Variants in FMN2 observed in about 807,000 individuals in gnomAD.
FMN2 encodes formin-2.
In FMN2, 51 loss-of-function variants were observed where a neutral mutation model predicts 142.3. The observed-to-expected ratio is 0.36, with a 90% confidence interval of 0.29 to 0.45. The LOEUF is 0.45. Ranked by LOEUF, FMN2 falls within the 20% of genes least tolerant of loss-of-function variation. The pLI is 1.00. For synonymous variants in FMN2, 882 were observed against 869.8 expected, an observed-to-expected ratio of 1.01 and a Z score of -0.25; for missense variants, 1,936 against 2,122.8, an observed-to-expected ratio of 0.91 and a Z score of 1.73.
At chr1:240,117,760 G>A (rs561819104) in intron 1 of FMN2, among the ~76,000 whole-genome samples, 74 of 152,280 alleles carry the variant, frequency 4.9e-4, no homozygotes, top group Non-Finnish European at 9.1e-4. Context: ...AAAATTAATT[G>A]ATTATCCCGT....
At chr1:240,454,195 T>C (rs200301301) in intron 16 of FMN2, among the ~76,000 whole-genome samples, 1 of 125,066 alleles carries the variant, frequency 8.0e-6, no homozygotes, top group East Asian at 2.3e-4. Context: ...CGTTTTCTCT[T>C]TTTTGTCTCC....
intron 13 of FMN2, among the ~76,000 whole-genome samples, chr1:240,335,871 T>C (rs1431812565): frequency 6.6e-6 from 1 of 152,038 alleles, no homozygotes; most frequent in Admixed American, 6.6e-5. Context: ...CGGCCAGGCA[T>C]GGTGGCTCAC....
At chr1:240,228,343 AAGAAAAAGAAAG>A (rs1667414800) in intron 6 of FMN2, among the ~76,000 whole-genome samples, 3 of 78,666 alleles carry the variant, frequency 3.8e-5, no homozygotes, top group African/African-American at 2.3e-4. Context: ...GAAAAAGAAA[AAGAAAAAGAAAG>A]AAAAAAAATG....
chr1:240,168,457 TACTC>T (rs1664570754), intron 2 of FMN2, among the ~76,000 whole-genome samples: 1 of 151,968 alleles, frequency 6.6e-6, no homozygotes. Flanking sequence ...GGCATCATGG[TACTC>T]ACCTGTAGTC....
intron 2 of FMN2, among the ~76,000 whole-genome samples, chr1:240,127,687 C>T (rs147057975): frequency 3.3e-5 from 5 of 152,156 alleles, no homozygotes; most frequent in African/African-American, 1.2e-4. Flanking sequence ...CTGTGATGTC[C>T]CAAGTTGGTC....
chr1:240,242,134 C>T (rs922473314), intron 6 of FMN2, among the ~76,000 whole-genome samples: 5 of 152,132 alleles, frequency 3.3e-5, no homozygotes, highest in Admixed American at 6.5e-5. Flanking sequence ...CGTGAGCCAC[C>T]GCGCCCGGCT....
In FMN2 at chr1:240,308,853, A is replaced by G. The variant is rs528262792; in HGVS notation, c.4215+13970A>G. Among the ~76,000 whole-genome samples, 17 of 152,274 alleles carry G rather than the reference A, an allele frequency of 1.1e-4. 1 individual carries two copies. The highest frequency in any genetic ancestry group is 3.8e-4 in the African/African-American group (16 of 41,572). On this transcript the variant is annotated intron_variant, in intron 8 of 17. Coordinates refer to ENST00000319653, the MANE Select transcript of FMN2 (RefSeq NM_020066.5). ...ACAAGAAATTGAGAGTGATCCCACA[A>G]TTTTTGGCCTGGGCAATAGGAAGGG... is the stretch of plus-strand genomic sequence containing the variant.
In FMN2 at chr1:240,325,167, G is replaced by C. The variant is rs7526893; in HGVS notation, c.4216-3909G>C. On this transcript the variant is annotated intron_variant, in intron 8 of 17. Coordinates refer to ENST00000319653, the MANE Select transcript of FMN2 (RefSeq NM_020066.5). ...GAGCCCAGGAGTTTGAGACCAGCCT[G>C]GGCAACATGGCAAAACCCCGTCTCT... Among the ~76,000 whole-genome samples the C allele has an allele frequency of 8.4e-3, 1,273 of 152,014 alleles. 15 individuals carry two copies. The highest frequency in any genetic ancestry group is 0.028 in the African/African-American group (1,163 of 41,446).
chr1:240,126,609 G>T (rs1034998001), intron 2 of FMN2, among the ~76,000 whole-genome samples: 1 of 152,078 alleles, frequency 6.6e-6, no homozygotes, highest in Non-Finnish European at 1.5e-5. Flanking sequence ...AGTATGAAAA[G>T]ACTTCACATT....
In FMN2 at chr1:240,093,699, G is replaced by T; in HGVS notation, c.1590G>T (p.Ala530=). 7.3e-7 allele frequency: 1 copy of T among 1,369,902 alleles called. No individual in the cohort carries two copies. The highest frequency in any genetic ancestry group is 9.4e-7 in the Non-Finnish European group (1 of 1,068,670). 84.9% of individuals were successfully genotyped at this position (1,369,902 alleles called of 1,614,324 possible). ...AAKASGAPAA[A]DGFQNVFTGR... ...AGGCGTCTGGGGCCCCCGCGGCTGC[G>T]GATGGCTTCCAGAACGTGTTCACAG... The change falls in exon 1 of 18, where the codon GCG becomes GCT. Residue 530 remains alanine (A), a synonymous_variant. Coordinates refer to ENST00000319653, the MANE Select transcript of FMN2 (RefSeq NM_020066.5).
rs34680769 is a variant in FMN2, at chr1:240,122,079, T to TTAATTAATTAATTAATTA, written c.1616-1100_1616-1099insTAATTAATTAATTAATTA. ...TGGATCCAAAATTAATTAATTAATT[T>TTAATTAATTAATTAATTA]ATTTATTTATTTATGAATTATTTTT... On this transcript the variant is annotated intron_variant, in intron 1 of 17. Coordinates refer to ENST00000319653, the MANE Select transcript of FMN2 (RefSeq NM_020066.5). 4.0e-3 allele frequency among the ~76,000 whole-genome samples: 500 copies of TTAATTAATTAATTAATTA among 123,816 alleles called. 2 individuals are homozygous for TTAATTAATTAATTAATTA. Among genetic ancestry groups the TTAATTAATTAATTAATTA allele is most frequent in the South Asian group, 0.015 (61 of 3,966 alleles). The allele number at this position is 123,816 out of a possible 152,430, so 81.2% of individuals were successfully genotyped here.
chr1:240,108,618 G>T (rs190909626), intron 1 of FMN2, among the ~76,000 whole-genome samples: 1 of 152,136 alleles, frequency 6.6e-6, no homozygotes, highest in Non-Finnish European at 1.5e-5. Context: ...AAAATTTAAC[G>T]TGACAAGACA....
chr1:240,465,791 C>T (rs1166700070), intron 16 of FMN2, among the ~76,000 whole-genome samples: 1 of 152,198 alleles, frequency 6.6e-6, no homozygotes, highest in Non-Finnish European at 1.5e-5. Context: ...AAGACTGTGG[C>T]CAGCTTGGCT....
At chr1:240,423,585 C>T (rs1674842852) in intron 15 of FMN2, among the ~76,000 whole-genome samples, 1 of 152,176 alleles carries the variant, frequency 6.6e-6, no homozygotes, top group African/African-American at 2.4e-5. Flanking sequence ...TCATTTGGTA[C>T]TCAGCCTTTT....
intron 4 of FMN2, among the ~76,000 whole-genome samples, chr1:240,195,096 A>G (rs1665862693): frequency 6.6e-6 from 1 of 152,126 alleles, no homozygotes; most frequent in African/African-American, 2.4e-5. Flanking sequence ...GGTGGTCCTC[A>G]TTATTCTTGG....
At chr1:240,420,746 G>A (rs1275716263) in intron 15 of FMN2, among the ~76,000 whole-genome samples, 2 of 152,210 alleles carry the variant, frequency 1.3e-5, no homozygotes, top group African/African-American at 4.8e-5. Context: ...CCGTGTGCCA[G>A]AGACTGCCCA....
At chr1:240,170,105 C>A in intron 2 of FMN2, 1 of 608,282 alleles carries the variant, frequency 1.6e-6, no homozygotes, top group Non-Finnish European at 2.9e-6. Flanking sequence ...TCCTCTCAGA[C>A]AGTAATAATC....
intron 3 of FMN2, among the ~76,000 whole-genome samples, chr1:240,184,481 G>C (rs1478697482): frequency 5.4e-5 from 8 of 147,696 alleles, no homozygotes; most frequent in Non-Finnish European, 1.2e-4. Context: ...CTCCCGAAGT[G>C]CTGGGATTAC....
intron 1 of FMN2, among the ~76,000 whole-genome samples, chr1:240,111,519 T>C (rs1661806033): frequency 6.6e-6 from 1 of 152,132 alleles, no homozygotes; most frequent in Non-Finnish European, 1.5e-5. Flanking sequence ...CTCCCTGATG[T>C]TGCCATGGCA....
Sources: allele counts gnomAD v4.1 joint callset (sites outside exome capture counted in the v4.1 genomes callset), GRCh38; gene constraint gnomAD v4.1.1; transcripts MANE v1.5; gene names NCBI Gene and HGNC (gene_info 2026-07-23, HGNC 2026-07-21).